Variants in METTL15 observed in about 807,000 individuals in gnomAD.
METTL15 encodes the protein methyltransferase 15, mitochondrial 12S rRNA N4-cytidine, also known as 12S rRNA N(4)-cytidine methyltransferase METTL15.
In METTL15, 34 loss-of-function variants were observed where a neutral mutation model predicts 38.3. The observed-to-expected ratio is 0.89, with a 90% CI of 0.68 to 1.18. The LOEUF (loss-of-function observed/expected upper bound fraction) is 1.18. METTL15 is among the 50% of genes most tolerant of loss of function. The probability of loss-of-function intolerance (pLI) is 0.00; values close to 1 mark genes in which losing one functional copy is unlikely to be tolerated. For missense variants in METTL15, 438 were observed against 498.4 expected (o/e 0.88, Z 1.15); for synonymous variants, 162 against 170.9 (o/e 0.95, Z 0.41).
rs568664279 is a variant in METTL15, at chr11:28,152,182, C to T, written c.270+38578C>T. On this transcript the variant is annotated intron_variant, in intron 3 of 6. Coordinates refer to ENST00000407364, the MANE Select transcript of METTL15 (RefSeq NM_001113528.2). ...AGGAGTGAAATGAGTTGCCCAAGAT[C>T]ATGGAGCTAGGAAATGATATAATTA... is the stretch of plus-strand genomic sequence containing the variant. Among the ~76,000 whole-genome samples, 30 of 151,512 alleles carry T rather than the reference C, an allele frequency of 2.0e-4. No individual in the cohort carries two copies. In the South Asian group the frequency reaches 5.2e-3, roughly 26 times the overall value.
chr11:28,430,129 C>T (rs1417753475), intron 6 of METTL15, among the ~76,000 whole-genome samples: 34 of 151,350 alleles, frequency 2.2e-4, no homozygotes, highest in African/African-American at 8.2e-4. Context: ...GGCAACCACC[C>T]CGTCTGAGAA....
intron 4 of METTL15, among the ~76,000 whole-genome samples, chr11:28,250,674 A>T (rs972927065): frequency 1.3e-5 from 2 of 152,018 alleles, no homozygotes; most frequent in South Asian, 4.1e-4. Context: ...TGATTCAGCA[A>T]AATTAATTAT....
intron 5 of METTL15, among the ~76,000 whole-genome samples, chr11:28,387,518 C>G (rs949759854): frequency 1.3e-5 from 2 of 151,896 alleles, no homozygotes; most frequent in Non-Finnish European, 2.9e-5. Context: ...CCTGAACAGA[C>G]CTATAACTAG....
At chr11:28,525,262 C>T (rs183422054) in intron 6 of METTL15, among the ~76,000 whole-genome samples, 2 of 152,278 alleles carry the variant, frequency 1.3e-5, no homozygotes, top group Admixed American at 1.3e-4. Flanking sequence ...TCTTTTCTGG[C>T]CCCACGCACA....
chr11:28,162,329 A>C (rs1395723364), intron 3 of METTL15, among the ~76,000 whole-genome samples: 1 of 152,184 alleles, frequency 6.6e-6, no homozygotes, highest in East Asian at 1.9e-4. Context: ...TGGAAGGCTA[A>C]GAAACAGAGT....
chr11:28,120,502 T>C (rs1252081055), intron 3 of METTL15, among the ~76,000 whole-genome samples: 3 of 152,044 alleles, frequency 2.0e-5, no homozygotes, highest in Non-Finnish European at 2.9e-5. Flanking sequence ...CACCTGGCTC[T>C]CTGGGGGTAA....
intron 4 of METTL15, among the ~76,000 whole-genome samples, chr11:28,273,820 G>A (rs1855739915): frequency 6.6e-6 from 1 of 151,968 alleles, no homozygotes; most frequent in Admixed American, 6.6e-5. Flanking sequence ...AAATCTCACA[G>A]ACCAAAAAGG....
At chr11:28,317,874 T>G (rs1379071560) in intron 6 of METTL15, among the ~76,000 whole-genome samples, 1 of 152,218 alleles carries the variant, frequency 6.6e-6, no homozygotes, top group Non-Finnish European at 1.5e-5. Flanking sequence ...AACAGGGTTC[T>G]CAATCAATGC....
chr11:28,191,837 A>G (rs1467547970), intron 3 of METTL15, among the ~76,000 whole-genome samples: 4 of 151,864 alleles, frequency 2.6e-5, no homozygotes, highest in East Asian at 1.9e-4. Context: ...AACAATTAAC[A>G]TAAAGTGCTA....
At chr11:28,454,982 G>A (rs969795455) in intron 6 of METTL15, among the ~76,000 whole-genome samples, 2 of 152,206 alleles carry the variant, frequency 1.3e-5, no homozygotes, top group African/African-American at 4.8e-5. Flanking sequence ...GCCTTAAAAC[G>A]AGGCAGAGAC....
chr11:28,426,596 T>TG (rs1850867404), intron 6 of METTL15, among the ~76,000 whole-genome samples: 1 of 151,102 alleles, frequency 6.6e-6, no homozygotes, highest in African/African-American at 2.4e-5. Context: ...TTTTTTTTTT[T>TG]TTTTTTTTTT....
chr11:28,210,192 A>T (rs919292639), intron 3 of METTL15, among the ~76,000 whole-genome samples: 2 of 152,014 alleles, frequency 1.3e-5, no homozygotes, highest in African/African-American at 2.4e-5. Flanking sequence ...ACCATACTGT[A>T]TATCTGGAAT....
intron 6 of METTL15, among the ~76,000 whole-genome samples, chr11:28,477,039 G>T (rs1287856239): frequency 6.6e-6 from 1 of 152,162 alleles, no homozygotes; most frequent in African/African-American, 2.4e-5. Context: ...GAAACAGGAA[G>T]AGAGGGTAGC....
intron 4 of METTL15, among the ~76,000 whole-genome samples, chr11:28,241,645 G>A (rs767817319): frequency 6.6e-6 from 1 of 152,008 alleles, no homozygotes; most frequent in Non-Finnish European, 1.5e-5. Flanking sequence ...AGGGTCTCAA[G>A]AATAAGACAT....
intron 6 of METTL15, among the ~76,000 whole-genome samples, chr11:28,447,222 G>A (rs1851082631): frequency 6.6e-6 from 1 of 151,820 alleles, no homozygotes; most frequent in Non-Finnish European, 1.5e-5. Context: ...TTCTTAATTT[G>A]GGCCCAACTG....
intron 3 of METTL15, among the ~76,000 whole-genome samples, chr11:28,141,855 T>C (rs1849709534): frequency 6.6e-6 from 1 of 152,226 alleles, no homozygotes; most frequent in Admixed American, 6.5e-5. Flanking sequence ...TTCATTATTT[T>C]CACAAAGGCA....
intron 4 of METTL15, among the ~76,000 whole-genome samples, chr11:28,275,628 CCAGA>C (rs1324922599): frequency 7.3e-6 from 1 of 136,668 alleles, no homozygotes; most frequent in East Asian, 2.3e-4. Context: ...GACGTCAAAA[CCAGA>C]CAAAGATACC....
chr11:28,480,097 G>C (rs184053078), intron 6 of METTL15, among the ~76,000 whole-genome samples: 6 of 152,268 alleles, frequency 3.9e-5, no homozygotes, highest in African/African-American at 1.4e-4. Flanking sequence ...TCCTGAATTA[G>C]ATAAAAATTT....
chr11:28,258,692 C>G (rs1855073749), intron 4 of METTL15, among the ~76,000 whole-genome samples: 1 of 152,166 alleles, frequency 6.6e-6, no homozygotes, highest in Admixed American at 6.5e-5. Context: ...CAGACTACTG[C>G]TGATATTCCC....
Sources: allele counts gnomAD v4.1 joint callset (sites outside exome capture counted in the v4.1 genomes callset), GRCh38; gene constraint gnomAD v4.1.1; transcripts MANE v1.5; gene names NCBI Gene and HGNC (gene_info 2026-07-23, HGNC 2026-07-21).